ATG10: variants seen among roughly 807,000 people sequenced by gnomAD.
The protein encoded by ATG10 is autophagy related 10.
ATG10 carries 30 observed loss-of-function variants against 32.1 expected under a neutral mutation model. That is an observed-to-expected ratio of 0.94 (90% CI 0.70 to 1.27). The LOEUF is 1.27. ATG10 is among the 50% of genes most tolerant of loss of function. ATG10 has a pLI of 0.00. For synonymous variants in ATG10, 87 were observed against 91.5 expected (o/e 0.95, Z 0.28); for missense variants, 233 against 262.3 (o/e 0.89, Z 0.77).
chr5:82,190,616 C>T (rs1456250429), intron 5 of ATG10, among the ~76,000 whole-genome samples: 1 of 151,238 alleles, frequency 6.6e-6, no homozygotes, highest in African/African-American at 2.4e-5. Flanking sequence ...ACTAAAAATA[C>T]AAAAATTAGC....
chr5:82,243,411 A>T (rs1216472261), intron 5 of ATG10, among the ~76,000 whole-genome samples: 1 of 152,114 alleles, frequency 6.6e-6, no homozygotes, highest in Non-Finnish European at 1.5e-5. Context: ...GATATTTAAA[A>T]ATCCGTCTAT....
chr5:82,233,005 T>C (rs145976267), intron 5 of ATG10, among the ~76,000 whole-genome samples: 9 of 152,348 alleles, frequency 5.9e-5, no homozygotes, highest in Admixed American at 1.3e-4. Flanking sequence ...TTTACTCTTA[T>C]ATCTTTCTGC....
At chr5:82,022,737 T>A (rs1221700165) in intron 2 of ATG10, among the ~76,000 whole-genome samples, 1 of 151,722 alleles carries the variant, frequency 6.6e-6, no homozygotes, top group Non-Finnish European at 1.5e-5. Context: ...TCTCTGTGAG[T>A]TAGCCATTAT....
chr5:82,229,087 A>G lies in ATG10; in HGVS notation c.454-23475A>G, dbSNP rs530864499. 3.9e-5 allele frequency among the ~76,000 whole-genome samples: 6 copies of G among 152,304 alleles called. No homozygotes were observed. In the East Asian group the frequency reaches 9.6e-4, roughly 24 times the overall value. On this transcript the variant is annotated intron_variant, in intron 5 of 7. Coordinates refer to ENST00000282185, the MANE Select transcript of ATG10 (RefSeq NM_031482.5). ...ACTCCCAATTTGATGAGTAATTCCT[A>G]GGAGAGATCCCTTGCCTTTGTAGGG...
chr5:82,245,029 T>C (rs1482592901), intron 5 of ATG10, among the ~76,000 whole-genome samples: 2 of 152,204 alleles, frequency 1.3e-5, no homozygotes, highest in African/African-American at 4.8e-5. Flanking sequence ...TCAGTGCAGA[T>C]TTGCTCAGTT....
intron 3 of ATG10, among the ~76,000 whole-genome samples, chr5:82,128,138 T>G (rs1173097464): frequency 1.3e-5 from 2 of 152,132 alleles, no homozygotes; most frequent in Non-Finnish European, 1.5e-5. Context: ...TTCCATTTGC[T>G]TGGTAATTAT....
rs372515603 is a variant in ATG10 at position 82,183,884 on chromosome 5, C to T, written c.453+5297C>T. 3.9e-5 allele frequency among the ~76,000 whole-genome samples: 6 copies of T among 152,104 alleles called. No individual in the cohort carries two copies. In the South Asian group the frequency reaches 1.2e-3, roughly 32 times the overall value. ...GACTCATAAATGTTTTGTATGTGTC[C>T]GTTCATAGTAGTGGTTATCTTTATT... On this transcript the variant is annotated intron_variant, in intron 5 of 7. Transcript: ENST00000282185.
intron 4 of ATG10, 93 bp downstream of exon 4, chr5:82,164,630 A>G (rs894487353): frequency 2.4e-5 from 31 of 1,279,108 alleles, no homozygotes; most frequent in Middle Eastern, 2.5e-4. Flanking sequence ...AGGAAAAAAA[A>G]TAGAGTTAAA....
At chr5:82,087,637 T>G (rs1053013664) in intron 3 of ATG10, among the ~76,000 whole-genome samples, 1 of 152,190 alleles carries the variant, frequency 6.6e-6, no homozygotes, top group Non-Finnish European at 1.5e-5. Flanking sequence ...GTCAAAGCCC[T>G]GCTCTCAGAA....
chr5:82,247,926 G>A (rs550884165), intron 5 of ATG10, among the ~76,000 whole-genome samples: 29 of 152,060 alleles, frequency 1.9e-4, no homozygotes, highest in African/African-American at 7.0e-4. Flanking sequence ...TTTTTAGACT[G>A]CCTTCCTCAG....
intron 2 of ATG10, among the ~76,000 whole-genome samples, chr5:82,029,117 A>C (rs185550931): frequency 1.3e-5 from 2 of 152,328 alleles, no homozygotes; most frequent in African/African-American, 4.8e-5. Flanking sequence ...ATGAAAATAA[A>C]GGAAGATCTA....
intron 2 of ATG10, among the ~76,000 whole-genome samples, chr5:82,009,421 A>C (rs1762068205): frequency 6.6e-6 from 1 of 152,082 alleles, no homozygotes; most frequent in South Asian, 2.1e-4. Flanking sequence ...ATAATCATAA[A>C]CTTAACTCTG....
At position 82,058,964 on chromosome 5, in the gene ATG10, C is replaced by T. The variant is rs559317733; in HGVS notation, c.216+362C>T. Among the ~76,000 whole-genome samples, 41 of 152,220 alleles carry T rather than the reference C, an allele frequency of 2.7e-4. No individual in the cohort carries two copies. The South Asian group carries it at 7.1e-3, about 26-fold the overall frequency. On this transcript the variant is annotated intron_variant, in intron 3 of 7. Coordinates refer to ENST00000282185, the MANE Select transcript of ATG10 (RefSeq NM_031482.5). ...CTCTTGGACCTGAATACCACAGATG[C>T]CTTCTGTTGTCTATTGATTTTTTTT...
At position 82,178,344 on chromosome 5, in the gene ATG10, A is replaced by T. The variant is rs972923359; in HGVS notation, c.356-146A>T. 3 of 528,964 alleles carry T rather than the reference A, an allele frequency of 5.7e-6. No homozygotes were observed. In the South Asian group the frequency reaches 8.7e-5, roughly 15 times the overall value. 32.8% of individuals were successfully genotyped at this position (528,964 alleles called of 1,614,324 possible). A position where few individuals can be genotyped will look rare whatever the true frequency, so the allele number is the denominator to read the frequency against. On this transcript the variant is annotated intron_variant, in intron 4 of 7. Coordinates refer to ENST00000282185, the MANE Select transcript of ATG10 (RefSeq NM_031482.5). ...TCCCTCAGGAAGAAAATAGTAATTC[A>T]TATAGCACTCTCTTGATATATAAAT...
intron 5 of ATG10, among the ~76,000 whole-genome samples, chr5:82,181,176 T>C (rs1411044882): frequency 6.6e-6 from 1 of 152,106 alleles, no homozygotes; most frequent in Non-Finnish European, 1.5e-5. Context: ...ATAGGAGGGA[T>C]ATTTGATATA....
chr5:82,200,172 T>A (rs1745008044), intron 5 of ATG10, among the ~76,000 whole-genome samples: 1 of 152,152 alleles, frequency 6.6e-6, no homozygotes, highest in Non-Finnish European at 1.5e-5. Context: ...ATTTCTGGTC[T>A]ATATGATAAT....
intron 2 of ATG10, among the ~76,000 whole-genome samples, chr5:82,049,103 G>C (rs1347965141): frequency 1.3e-5 from 2 of 151,654 alleles, no homozygotes; most frequent in African/African-American, 4.8e-5. Flanking sequence ...GCACACGTAT[G>C]TTTCTTGCGG....
chr5:81,993,360 CTTCTT>C (rs1420358116), intron 2 of ATG10, among the ~76,000 whole-genome samples: 19 of 46,796 alleles, frequency 4.1e-4, no homozygotes, highest in African/African-American at 1.7e-3. Context: ...TCTTTCTTTC[CTTCTT>C]TTCTTTTCTT....
chr5:82,155,475 T>C (rs1054665949), intron 3 of ATG10, among the ~76,000 whole-genome samples: 4 of 152,162 alleles, frequency 2.6e-5, no homozygotes, highest in African/African-American at 7.2e-5. Flanking sequence ...AAAATGTCAC[T>C]GGAGTACAGC....
Sources: allele counts gnomAD v4.1 joint callset (sites outside exome capture counted in the v4.1 genomes callset), GRCh38; gene constraint gnomAD v4.1.1; transcripts MANE v1.5; gene names NCBI Gene and HGNC (gene_info 2026-07-23, HGNC 2026-07-21).